Variants in JADE2 observed in about 807,000 individuals in gnomAD.
The protein encoded by JADE2 is E3 ubiquitin-protein ligase Jade-2.
A neutral mutation model predicts 85.7 loss-of-function variants in JADE2; 13 were observed. The observed-to-expected ratio is 0.15, with a 90% confidence interval of 0.10 to 0.24. The LOEUF (loss-of-function observed/expected upper bound fraction) is 0.24, where lower values mean the gene tolerates loss of function less well. Among genes scored for constraint, JADE2 ranks in the 10% least tolerant of loss-of-function variants. JADE2 has a pLI of 1.00. For missense variants in JADE2, 846 were observed against 1,115.9 expected, an observed-to-expected ratio of 0.76 and a Z score of 3.45; for synonymous variants, 440 against 456.1, an observed-to-expected ratio of 0.96 and a Z score of 0.45.
chr5:134,577,172 T>TG (rs1214042060), intron 11 of JADE2: 5 of 357,518 alleles, frequency 1.4e-5, no homozygotes, highest in Non-Finnish European at 2.5e-5. Flanking sequence ...TTCCCCTGGC[T>TG]GGGGGGTCCT....
intron 5 of JADE2, 96 bp from the exon 6 acceptor site, chr5:134,560,650 G>C: frequency 9.6e-7 from 1 of 1,043,382 alleles, no homozygotes; most frequent in Non-Finnish European, 1.4e-6. Flanking sequence ...CCAGACATCT[G>C]CCCTGAATTC....
At chr5:134,564,206 T>G (rs960603725) in intron 7 of JADE2, 12 of 271,384 alleles carry the variant, frequency 4.4e-5, no homozygotes, top group Non-Finnish European at 7.8e-5. Flanking sequence ...ATACACACAG[T>G]CAACTACACA....
At chr5:134,531,883 CTTTTTTTTTTTTTTTTT>C (rs1160758941) in intron 1 of JADE2, among the ~76,000 whole-genome samples, 1 of 38,478 alleles carries the variant, frequency 2.6e-5, no homozygotes, top group African/African-American at 1.0e-4. Context: ...CCGTGCCTGG[CTTTTTTTTTTTTTTTTT>C]TTTTTTTTTT....
chr5:134,567,474 C>G (rs993976435), intron 9 of JADE2, among the ~76,000 whole-genome samples: 2 of 152,186 alleles, frequency 1.3e-5, no homozygotes, highest in Non-Finnish European at 2.9e-5. Flanking sequence ...GTTCTGGTCT[C>G]TCCTCTCTGG....
At position 134,562,576 on chromosome 5, in the gene JADE2, C is replaced by T. The variant is rs1288952708; in HGVS notation, c.852+209C>T. On this transcript the variant is annotated intron_variant, in intron 7 of 11. Transcript: ENST00000681547. The surrounding 1 kb of genome is among the most constrained non-coding windows in gnomAD (Gnocchi z 4.6). ...TCACCTGAGTTCAGGCATTCAAGAC[C>T]AGCCTGGCCAACATAGCAAAACCCC... Among the ~76,000 whole-genome samples, 1 of 152,156 alleles carries T rather than the reference C, an allele frequency of 6.6e-6. No individual in the cohort carries two copies. Among genetic ancestry groups the T allele is most frequent in the Non-Finnish European group, 1.5e-5 (1 of 68,022 alleles).
At position 134,578,914 on chromosome 5, in the gene JADE2, C is replaced by T; in HGVS notation, c.2102C>T (p.Ser701Phe). Residue 701 changes from serine (S) to phenylalanine (F), a missense_variant, in exon 12 of 12, where the codon TCC becomes TTC. Ser to Phe is a radical substitution (Grantham distance 155). Around this residue, in one of 9 missense-constraint regions of JADE2, gnomAD observed 300 missense variants for 300.7 expected, o/e 1.00. Coordinates refer to ENST00000681547, the MANE Select transcript of JADE2 (RefSeq NM_001388185.1). The surrounding 1 kb of genome is among the most constrained non-coding windows in gnomAD (Gnocchi z 4.4). Reference sequence around the variant, plus strand: ...CGTCGGACATCTTCTCACTTGCCGTCCAGCCCTGCAGCCGGGGACTGTCCC... The same window carrying T: ...CGTCGGACATCTTCTCACTTGCCGTTCAGCCCTGCAGCCGGGGACTGTCCC... Reference protein sequence around the residue: ...PPRRTSSHLPSSPAAGDCPIL... With the variant: ...PPRRTSSHLPFSPAAGDCPIL... 2 of 1,613,864 alleles carry T rather than the reference C, an allele frequency of 1.2e-6. No individual in the cohort carries two copies. Among genetic ancestry groups the T allele is most frequent in the Non-Finnish European group, 1.7e-6 (2 of 1,180,014 alleles).
In JADE2 at chr5:134,579,332, T is replaced by C; in HGVS notation, c.*15T>C. 6.4e-7 allele frequency: 1 copy of C among 1,552,200 alleles called. No individual in the cohort carries two copies. Among genetic ancestry groups the C allele is most frequent in the Non-Finnish European group, 8.7e-7 (1 of 1,149,224 alleles). Reference sequence around the variant, plus strand: ...TGGCCTCCTAACTCACCCCCTTCCCTGTCCCAGGCCCTGCCCTGGTCCCCC... The same window carrying C: ...TGGCCTCCTAACTCACCCCCTTCCCCGTCCCAGGCCCTGCCCTGGTCCCCC... On this transcript the variant is annotated 3_prime_UTR_variant, in exon 12 of 12. Coordinates refer to ENST00000681547, the MANE Select transcript of JADE2 (RefSeq NM_001388185.1). The surrounding 1 kb of genome is among the most constrained non-coding windows in gnomAD (Gnocchi z 4.6).
At chr5:134,526,908 GC>G (rs1760869569) in intron 1 of JADE2, 1 of 342,966 alleles carries the variant, frequency 2.9e-6, no homozygotes, top group South Asian at 1.2e-4. Flanking sequence ...GCGGGTGCGC[GC>G]CCGCGGGGCG....
chr5:134,568,683 A>G (rs1763800502), intron 9 of JADE2, among the ~76,000 whole-genome samples: 1 of 152,236 alleles, frequency 6.6e-6, no homozygotes, highest in Non-Finnish European at 1.5e-5. Flanking sequence ...CAATGAGGGC[A>G]GGGGCATGCA....
At chr5:134,525,204 T>C (rs1436063014), upstream of JADE2, among the ~76,000 whole-genome samples, 1 of 145,342 alleles carries the variant, frequency 6.9e-6, no homozygotes, top group Non-Finnish European at 1.5e-5. Flanking sequence ...GCCGCCCGGG[T>C]CTGGGGCGCG....
chr5:134,537,405 C>T (rs1761662872), intron 2 of JADE2, among the ~76,000 whole-genome samples: 1 of 152,214 alleles, frequency 6.6e-6, no homozygotes, highest in African/African-American at 2.4e-5. Context: ...GGCATGATAT[C>T]ACTTATTCCT....
intron 4 of JADE2, 132 bp from the exon 5 acceptor site, chr5:134,559,698 G>A: frequency 1.3e-6 from 1 of 777,490 alleles, no homozygotes; most frequent in South Asian, 2.0e-5. Context: ...GGGGTGGAAG[G>A]AGGTGGGCCC....
chr5:134,538,949 T>G (rs566551476), intron 3 of JADE2, among the ~76,000 whole-genome samples: 2 of 151,788 alleles, frequency 1.3e-5, no homozygotes, highest in East Asian at 1.9e-4. Flanking sequence ...CTCTGCCTCC[T>G]GGGTTCAAAT....
At position 134,538,093 on chromosome 5, in the gene JADE2, G is replaced by A. The variant is rs550804044; in HGVS notation, c.153+10G>A. ...AAAGAAGCCCTCCGAGGTGGGTAGT[G>A]ATGAGCTTCCCAGAGATCTGTGGGG... On this transcript the variant is annotated intron_variant, in intron 3 of 11. Coordinates refer to ENST00000681547, the MANE Select transcript of JADE2 (RefSeq NM_001388185.1). 27 of 1,599,818 alleles carry A rather than the reference G, an allele frequency of 1.7e-5. No homozygotes were observed. The highest frequency in any genetic ancestry group is 2.1e-5 in the Non-Finnish European group (25 of 1,167,002).
chr5:134,527,393 C>T (rs1395325472), intron 1 of JADE2, among the ~76,000 whole-genome samples: 1 of 152,148 alleles, frequency 6.6e-6, no homozygotes, highest in Non-Finnish European at 1.5e-5. Flanking sequence ...CGCAGCTGTT[C>T]TGCCAGAGGA....
chr5:134,573,583 G>A, intron 9 of JADE2, 62 bp from the exon 10 acceptor site: 1 of 1,181,356 alleles, frequency 8.5e-7, no homozygotes, highest in Non-Finnish European at 1.3e-6. Context: ...AAGGTCCCCA[G>A]AGCTGGGAGG....
At chr5:134,526,482 C>CT (rs1760828625) in intron 1 of JADE2, 1 of 985,090 alleles carries the variant, frequency 1.0e-6, no homozygotes, top group South Asian at 4.7e-5. Context: ...CTGGAGCTAT[C>CT]TGCCCTCCTG....
In JADE2 at chr5:134,583,125, T is replaced by C. The variant is rs905206223; in HGVS notation, c.*3808T>C. The C allele has an allele frequency of 1.3e-5, 2 of 152,676 alleles. No individual in the cohort carries two copies. 9.5% of individuals were successfully genotyped at this position (152,676 alleles called of 1,614,324 possible). ...AGCCCCATCCTGTCCTGCTCACTCA[T>C]GGGGGCTTCCAGACCCCGGCCCCAC... On this transcript the variant is annotated 3_prime_UTR_variant, in exon 12 of 12. Coordinates refer to ENST00000681547, the MANE Select transcript of JADE2 (RefSeq NM_001388185.1).
At chr5:134,527,630 C>A (rs543251853) in intron 1 of JADE2, among the ~76,000 whole-genome samples, 2 of 151,976 alleles carry the variant, frequency 1.3e-5, no homozygotes, top group East Asian at 2.0e-4. Context: ...CGGAGCCCCC[C>A]GCAGCCTCCT....
Sources: gnomAD v4.1 joint callset for allele counts (sites outside exome capture counted in the v4.1 genomes callset) on GRCh38, gnomAD v4.1.1 for gene constraint, gnomAD v4.1.1 regional missense constraint, Gnocchi (gnomAD v3.1) non-coding constraint, MANE v1.5 for transcripts, NCBI Gene and HGNC (gene_info 2026-07-23, HGNC 2026-07-21) for gene names.